Variants in ZNF704 observed in about 807,000 individuals in gnomAD.
The protein encoded by ZNF704 is glucocorticoid induced gene 1.
ZNF704 carries 10 observed loss-of-function variants against 44.7 expected under a neutral mutation model. The observed-to-expected ratio is 0.22, with a 90% confidence interval of 0.14 to 0.38. The LOEUF (loss-of-function observed/expected upper bound fraction) is 0.38. Among genes scored for constraint, ZNF704 ranks in the 10% least tolerant of loss-of-function variants. The pLI, the probability that ZNF704 is intolerant of heterozygous loss-of-function variation, is 1.00. For synonymous variants in ZNF704, 211 were observed against 207.6 expected, an observed-to-expected ratio of 1.02 and a Z score of -0.14; for missense variants, 390 against 545.5, an observed-to-expected ratio of 0.71 and a Z score of 2.84.
chr8:80,800,476 G>C (rs7000102), intron 2 of ZNF704, among the ~76,000 whole-genome samples: 32,394 of 152,004 alleles, frequency 0.21, 4,830 homozygotes, highest in African/African-American at 0.43. Flanking sequence ...AGCAGAAACC[G>C]TACAAGCCAG....
chr8:80,776,176 C>T (rs1807407588), intron 2 of ZNF704, among the ~76,000 whole-genome samples: 1 of 152,088 alleles, frequency 6.6e-6, no homozygotes, highest in Non-Finnish European at 1.5e-5. Flanking sequence ...AGTGTTTTGC[C>T]TATAGTTTTC....
intron 2 of ZNF704, among the ~76,000 whole-genome samples, chr8:80,770,687 A>G (rs1807304935): frequency 6.6e-6 from 1 of 152,302 alleles, no homozygotes; most frequent in Non-Finnish European, 1.5e-5. Context: ...CTGCAGAGTA[A>G]AAGTTTTTAT....
intron 1 of ZNF704, among the ~76,000 whole-genome samples, chr8:80,855,554 T>C (rs1054870322): frequency 6.6e-6 from 1 of 152,084 alleles, no homozygotes; most frequent in Non-Finnish European, 1.5e-5. Context: ...CACTTATAAG[T>C]GAGAGCTAAA....
intron 1 of ZNF704, among the ~76,000 whole-genome samples, chr8:80,865,511 C>T: frequency 6.6e-6 from 1 of 152,196 alleles, no homozygotes; most frequent in Non-Finnish European, 1.5e-5. Flanking sequence ...CATTTATGAA[C>T]TAAAATTATC....
At chr8:80,863,529 T>C (rs1377416923) in intron 1 of ZNF704, among the ~76,000 whole-genome samples, 7 of 152,178 alleles carry the variant, frequency 4.6e-5, no homozygotes, top group Non-Finnish European at 1.0e-4. Context: ...CATATATATT[T>C]TTCAACAGAA....
At chr8:80,730,937 C>CT (rs1393841911) in intron 2 of ZNF704, among the ~76,000 whole-genome samples, 1 of 152,128 alleles carries the variant, frequency 6.6e-6, no homozygotes, top group Admixed American at 6.5e-5. Context: ...CTGAAACCAA[C>CT]TTTTTAAGAC....
intron 2 of ZNF704, among the ~76,000 whole-genome samples, chr8:80,790,277 G>A (rs1056100497): frequency 2.0e-5 from 3 of 152,204 alleles, no homozygotes; most frequent in Non-Finnish European, 4.4e-5. Context: ...AGTTAGGGTT[G>A]TGACTCCGTG....
intron 2 of ZNF704, among the ~76,000 whole-genome samples, chr8:80,771,796 G>C (rs1807324527): frequency 6.6e-6 from 1 of 152,154 alleles, no homozygotes; most frequent in Non-Finnish European, 1.5e-5. Flanking sequence ...TATAGGAAAA[G>C]CATTCAGCTT....
intron 2 of ZNF704, among the ~76,000 whole-genome samples, chr8:80,726,070 G>A (rs1479612182): frequency 4.6e-5 from 7 of 151,958 alleles, no homozygotes; most frequent in African/African-American, 1.2e-4. Context: ...ATTTTAAGTC[G>A]TATGTTTAGA....
At chr8:80,853,037 A>G (rs1808896774) in intron 1 of ZNF704, among the ~76,000 whole-genome samples, 1 of 152,192 alleles carries the variant, frequency 6.6e-6, no homozygotes, top group South Asian at 2.1e-4. Flanking sequence ...CGCTCTATAA[A>G]TGACATCACT....
intron 2 of ZNF704, among the ~76,000 whole-genome samples, chr8:80,752,618 T>A (rs535307963): frequency 5.3e-4 from 81 of 152,202 alleles, no homozygotes; most frequent in African/African-American, 1.8e-3. Context: ...TTTGGCTCAC[T>A]GCAACTTCCA....
rs1817742809 is a variant in ZNF704, at chr8:80,641,496, A to C, written c.1128-19T>G. ...GGGCTTCCTGTAAGACAGACGAGGA[A>C]GGTTAGTTTAGTGGGAGGAATTCAA... On this transcript the variant is annotated intron_variant, in intron 8 of 8. Coordinates refer to ENST00000327835, the MANE Select transcript of ZNF704 (RefSeq NM_001033723.3). 6.4e-7 allele frequency: 1 copy of C among 1,560,086 alleles called. No homozygotes were observed. Among genetic ancestry groups the C allele is most frequent in the Non-Finnish European group, 8.8e-7 (1 of 1,142,044 alleles).
chr8:80,850,948 T>C (rs1006055994), intron 1 of ZNF704, among the ~76,000 whole-genome samples: 4 of 152,210 alleles, frequency 2.6e-5, no homozygotes, highest in African/African-American at 9.7e-5. Context: ...TGCACATTGC[T>C]TAACAATGGG....
intron 1 of ZNF704, among the ~76,000 whole-genome samples, chr8:80,836,686 G>A (rs1299387890): frequency 1.3e-5 from 2 of 152,114 alleles, no homozygotes; most frequent in Non-Finnish European, 2.9e-5. Context: ...TCGGGAGGCT[G>A]AGGTAGGAGG....
intron 2 of ZNF704, among the ~76,000 whole-genome samples, chr8:80,746,736 G>C (rs193009490): frequency 1.3e-5 from 2 of 152,232 alleles, no homozygotes; most frequent in African/African-American, 2.4e-5. Flanking sequence ...CCATTGTTAC[G>C]GGCAATAGCA....
At chr8:80,830,078 C>CA (rs34988192) in intron 1 of ZNF704, among the ~76,000 whole-genome samples, 4,153 of 149,826 alleles carry the variant, frequency 0.028, 85 homozygotes, top group African/African-American at 0.057. Flanking sequence ...TTAAGACACA[C>CA]AAAAAAAACA....
chr8:80,652,989 C>T (rs1370699202), intron 7 of ZNF704, among the ~76,000 whole-genome samples: 2 of 152,176 alleles, frequency 1.3e-5, no homozygotes, highest in Non-Finnish European at 2.9e-5. Context: ...TGGGCTTCAT[C>T]CCTGGGATGC....
intron 6 of ZNF704, among the ~76,000 whole-genome samples, chr8:80,663,812 A>G (rs2131608851): frequency 6.6e-6 from 1 of 151,430 alleles, no homozygotes; most frequent in South Asian, 2.1e-4. Flanking sequence ...CTGCAGCCTC[A>G]AACTCCCTGG....
At chr8:80,870,225 A>C (rs150301502) in intron 1 of ZNF704, among the ~76,000 whole-genome samples, 47 of 152,348 alleles carry the variant, frequency 3.1e-4, no homozygotes, top group African/African-American at 1.1e-3. Context: ...CTACAATAGA[A>C]AACTAATAAC....
Sources: allele counts gnomAD v4.1 joint callset (sites outside exome capture counted in the v4.1 genomes callset), GRCh38; gene constraint gnomAD v4.1.1; transcripts MANE v1.5; gene names NCBI Gene and HGNC (gene_info 2026-07-23, HGNC 2026-07-21).